The following CAMK2B variants were observed in gnomAD, a reference collection of about 807,000 sequenced individuals.
The protein encoded by CAMK2B is calcium/calmodulin dependent protein kinase II beta.
A neutral mutation model predicts 93.7 loss-of-function variants in CAMK2B; 27 were observed. That is an observed-to-expected ratio of 0.29 (90% confidence interval 0.21 to 0.40). The LOEUF (loss-of-function observed/expected upper bound fraction) is 0.40. Among genes scored for constraint, CAMK2B ranks in the 10% least tolerant of loss-of-function variants. The pLI is 1.00. For missense variants in CAMK2B, 568 were observed against 895.8 expected (o/e 0.63, Z 4.67); for synonymous variants, 374 against 358.8 (o/e 1.04, Z -0.48).
chr7:44,218,512 G>C lies in CAMK2B; in HGVS notation c.*1013C>G, dbSNP rs1005094504. Reference sequence around the variant, plus strand: ...CCCCCTTGCGGGCTGCAGAGAAGCCGAACAGGCTGGGGGAGGGCCGAGGGG... The same window carrying C: ...CCCCCTTGCGGGCTGCAGAGAAGCCCAACAGGCTGGGGGAGGGCCGAGGGG... On this transcript the variant is annotated 3_prime_UTR_variant, in exon 24 of 24. Transcript: ENST00000395749. 1 of 152,310 alleles carries C rather than the reference G, an allele frequency of 6.6e-6. No individual in the cohort carries two copies. The highest frequency in any genetic ancestry group is 1.9e-4 in the East Asian group (1 of 5,200). 9.4% of individuals were successfully genotyped at this position (152,310 alleles called of 1,614,324 possible). A position where few individuals can be genotyped will look rare whatever the true frequency, so the allele number is the denominator to read the frequency against.
rs369606344 is a variant in CAMK2B at position 44,311,709 on chromosome 7, C to T, written c.65+13648G>A. ...GTCATCCTTCACACAGGACCCCCAC[C>T]GCCCCAGCTCTGGGCCTCAGGGACA... On this transcript the variant is annotated intron_variant, in intron 1 of 23. Transcript: ENST00000395749. This position sits in a 1 kb window ranked among gnomAD's most constrained non-coding sequence, Gnocchi z 4.2. 1.9e-4 allele frequency among the ~76,000 whole-genome samples: 29 copies of T among 152,340 alleles called. No homozygotes were observed. In the East Asian group the frequency reaches 2.7e-3, roughly 14 times the overall value.
chr7:44,299,889 T>C (rs1034438416), intron 1 of CAMK2B, among the ~76,000 whole-genome samples: 1 of 152,234 alleles, frequency 6.6e-6, no homozygotes, highest in African/African-American at 2.4e-5. Flanking sequence ...TGGCAAATTA[T>C]ATGTTACATA....
chr7:44,228,762 A>G (rs1375061628), intron 19 of CAMK2B, 34 bp downstream of exon 19: 1 of 1,438,376 alleles, frequency 7.0e-7, no homozygotes, highest in East Asian at 2.6e-5. Flanking sequence ...GCTGTCCGGC[A>G]GCAGAGGCGG....
chr7:44,247,283 T>C, intron 5 of CAMK2B, 91 bp from the exon 6 acceptor site: 1 of 1,069,986 alleles, frequency 9.3e-7, no homozygotes, highest in Non-Finnish European at 1.4e-6. Context: ...CTGTGTGGCC[T>C]GGGGGGACCA....
intron 11 of CAMK2B, 98 bp from the exon 12 acceptor site, chr7:44,240,847 G>T: frequency 1.5e-6 from 2 of 1,296,254 alleles, no homozygotes; most frequent in Non-Finnish European, 2.2e-6. Flanking sequence ...CAGATGCTCA[G>T]CCTCATTGTC....
intron 2 of CAMK2B, among the ~76,000 whole-genome samples, chr7:44,264,440 G>A (rs1194619172): frequency 1.3e-5 from 2 of 152,138 alleles, no homozygotes; most frequent in Non-Finnish European, 2.9e-5. Flanking sequence ...GAAGGTCTCT[G>A]GGAGCGGCAT....
chr7:44,325,219 C>T, intron 1 of CAMK2B, 138 bp downstream of exon 1: 1 of 308,240 alleles, frequency 3.2e-6, no homozygotes, highest in Non-Finnish European at 4.7e-6. Flanking sequence ...CGCGCGGGGC[C>T]GTGCGCTTGG....
intron 4 of CAMK2B, among the ~76,000 whole-genome samples, chr7:44,255,406 C>T (rs1348394400): frequency 6.6e-6 from 1 of 152,198 alleles, no homozygotes; most frequent in Non-Finnish European, 1.5e-5. Flanking sequence ...ACGGAGCCCT[C>T]TGCAGGTCTG....
In CAMK2B at chr7:44,311,619, G is replaced by A. The variant is rs148896761; in HGVS notation, c.65+13738C>T. On this transcript the variant is annotated intron_variant, in intron 1 of 23. Transcript: ENST00000395749. This position sits in a 1 kb window ranked among gnomAD's most constrained non-coding sequence, Gnocchi z 4.2. The stretch of plus-strand genomic sequence containing the variant: ...TCAGGGCTCTCCCAGCCCCAGCCCC[G>A]GGTACCCAGAGGGGCTGTCCTGCCC... Among the ~76,000 whole-genome samples, 729 of 152,266 alleles carry A rather than the reference G, an allele frequency of 4.8e-3. 12 individuals carry two copies. Among genetic ancestry groups the A allele is most frequent in the African/African-American group, 0.017 (696 of 41,556 alleles).
chr7:44,220,767 C>A, intron 21 of CAMK2B, 57 bp from the exon 22 acceptor site: 5 of 1,565,412 alleles, frequency 3.2e-6, no homozygotes, highest in Non-Finnish European at 4.3e-6. Context: ...CTGAGCAGGC[C>A]CCCCCAAGGG....
intron 1 of CAMK2B, among the ~76,000 whole-genome samples, chr7:44,316,937 C>T (rs1794947412): frequency 6.6e-6 from 1 of 152,082 alleles, no homozygotes; most frequent in Non-Finnish European, 1.5e-5. Flanking sequence ...AATAACCTTC[C>T]TCCTAACTAG....
At chr7:44,243,395 C>T in intron 7 of CAMK2B, 30 bp downstream of exon 7, 1 of 1,612,958 alleles carries the variant, frequency 6.2e-7, no homozygotes, top group Non-Finnish European at 8.5e-7. Flanking sequence ...TGCCAACTGC[C>T]AGCCAACACA....
At chr7:44,251,174 C>G (rs1554398523) in intron 5 of CAMK2B, among the ~76,000 whole-genome samples, 3 of 152,140 alleles carry the variant, frequency 2.0e-5, no homozygotes, top group Non-Finnish European at 2.9e-5. Context: ...TGGGTCTGGC[C>G]AGGAGGCCTC....
chr7:44,318,328 C>T (rs751647332), intron 1 of CAMK2B, among the ~76,000 whole-genome samples: 20 of 152,210 alleles, frequency 1.3e-4, no homozygotes, highest in Non-Finnish European at 2.5e-4. Flanking sequence ...TCAGAATACC[C>T]GCAAGACCTA....
intron 1 of CAMK2B, among the ~76,000 whole-genome samples, chr7:44,320,480 G>T (rs1290066087): frequency 6.6e-6 from 1 of 152,150 alleles, no homozygotes; most frequent in Non-Finnish European, 1.5e-5. Context: ...CTGTGCCTCA[G>T]CTACCTCTCC....
intron 13 of CAMK2B, among the ~76,000 whole-genome samples, chr7:44,235,670 C>G (rs190161650): frequency 1.3e-5 from 2 of 152,186 alleles, no homozygotes; most frequent in Non-Finnish European, 2.9e-5. Context: ...TCCTGGACCA[C>G]GCTCACCAAA....
At chr7:44,261,536 G>A (rs1236063474) in intron 3 of CAMK2B, among the ~76,000 whole-genome samples, 1 of 152,228 alleles carries the variant, frequency 6.6e-6, no homozygotes, top group Non-Finnish European at 1.5e-5. Context: ...GCTCCGGGGT[G>A]GCAGCTGGTG....
Position 44,224,127 on chromosome 7 carries a change from C to G in CAMK2B, c.1597+2389G>C, listed in dbSNP as rs2096446421. Reference sequence around the variant, plus strand: ...GTAAACAGAAGAGGAGATGCATGGTCAGAGTTCCAATCAAGAGTGGTAACC... The same window carrying G: ...GTAAACAGAAGAGGAGATGCATGGTGAGAGTTCCAATCAAGAGTGGTAACC... On this transcript the variant is annotated intron_variant, in intron 20 of 23. Transcript: ENST00000395749. This position sits in a 1 kb window ranked among gnomAD's most constrained non-coding sequence, Gnocchi z 4.4. 6.6e-6 allele frequency among the ~76,000 whole-genome samples: 1 copy of G among 152,226 alleles called. No homozygotes were observed. Among genetic ancestry groups the G allele is most frequent in the Non-Finnish European group, 1.5e-5 (1 of 68,046 alleles).
intron 2 of CAMK2B, among the ~76,000 whole-genome samples, chr7:44,282,510 G>GAC (rs1393916641): frequency 2.0e-5 from 3 of 152,336 alleles, no homozygotes; most frequent in African/African-American, 7.2e-5. Flanking sequence ...CGTGGGCTGG[G>GAC]ACACACACAT....
Sources: gnomAD v4.1 joint callset for allele counts (sites outside exome capture counted in the v4.1 genomes callset) on GRCh38, gnomAD v4.1.1 for gene constraint, Gnocchi (gnomAD v3.1) non-coding constraint, MANE v1.5 for transcripts, NCBI Gene and HGNC (gene_info 2026-07-23, HGNC 2026-07-21) for gene names.